Variants in ARHGAP28 observed in about 807,000 individuals in gnomAD.
ARHGAP28 encodes rho GTPase-activating protein 28.
ARHGAP28 carries 56 observed loss-of-function variants against 90.7 expected under a neutral mutation model. That is an observed-to-expected ratio of 0.62 (90% CI 0.50 to 0.77). ARHGAP28 has a LOEUF of 0.77. Among genes scored for constraint, ARHGAP28 ranks in the 30% least tolerant of loss-of-function variants. ARHGAP28 has a pLI of 0.00. For missense variants in ARHGAP28, 869 were observed against 900.9 expected, an observed-to-expected ratio of 0.96 and a Z score of 0.45; for synonymous variants, 308 against 323.3, an observed-to-expected ratio of 0.95 and a Z score of 0.51.
intron 16 of ARHGAP28, among the ~76,000 whole-genome samples, chr18:6,901,384 G>A (rs543676668): frequency 6.6e-6 from 1 of 152,118 alleles, no homozygotes; most frequent in South Asian, 2.1e-4. Flanking sequence ...AGTGGTCTAT[G>A]CAGAGTGACT....
At chr18:6,767,334 A>G (rs951543670) in intron 1 of ARHGAP28, among the ~76,000 whole-genome samples, 11 of 152,116 alleles carry the variant, frequency 7.2e-5, no homozygotes, top group Non-Finnish European at 1.6e-4. Context: ...TGTTTCATAC[A>G]GTCAATTTTA....
At chr18:6,769,075 G>A (rs903817352) in intron 1 of ARHGAP28, among the ~76,000 whole-genome samples, 2 of 152,016 alleles carry the variant, frequency 1.3e-5, no homozygotes, top group African/African-American at 4.8e-5. Context: ...CATTAAGGTA[G>A]CCTTTCAGAC....
chr18:6,825,048 C>T (rs2056652562), intron 2 of ARHGAP28, 84 bp downstream of exon 2: 10 of 1,210,858 alleles, frequency 8.3e-6, no homozygotes, highest in Non-Finnish European at 1.1e-5. Context: ...CAGAAATCAT[C>T]CCACCAATAG....
chr18:6,740,036 T>G (rs911468541), intron 1 of ARHGAP28, among the ~76,000 whole-genome samples: 2 of 152,204 alleles, frequency 1.3e-5, no homozygotes, highest in Middle Eastern at 3.4e-3. Context: ...GTATCTTTAG[T>G]GGAGACGGGG....
At chr18:6,805,379 TGTTTTA>T (rs1358453503) in intron 1 of ARHGAP28, among the ~76,000 whole-genome samples, 2 of 152,130 alleles carry the variant, frequency 1.3e-5, no homozygotes, top group Admixed American at 6.5e-5. Context: ...TCATTTGATT[TGTTTTA>T]GCATGGCATG....
chr18:6,729,807 C>T lies in ARHGAP28; in HGVS notation c.-15C>T. ...CTTTGTTCTGGGGCCGGCGCCGAGACATGCGCGGCTGACGATGGAGGTGGA... is the reference window on the plus strand; with the variant it reads ...CTTTGTTCTGGGGCCGGCGCCGAGATATGCGCGGCTGACGATGGAGGTGGA... On this transcript the variant is annotated 5_prime_UTR_variant, in exon 1 of 18. Coordinates refer to ENST00000383472, the MANE Select transcript of ARHGAP28 (RefSeq NM_001366230.1). 1 of 1,398,184 alleles carries T rather than the reference C, an allele frequency of 7.2e-7. No individual in the cohort carries two copies. The highest frequency in any genetic ancestry group is 9.3e-7 in the Non-Finnish European group (1 of 1,079,336). 86.6% of individuals were successfully genotyped at this position (1,398,184 alleles called of 1,614,324 possible).
chr18:6,794,435 C>A (rs1320620708), intron 1 of ARHGAP28, among the ~76,000 whole-genome samples: 2 of 152,224 alleles, frequency 1.3e-5, no homozygotes, highest in African/African-American at 4.8e-5. Context: ...AACCTTGGAA[C>A]TGCCCATCCT....
chr18:6,730,038 G>T, intron 1 of ARHGAP28, 95 bp downstream of exon 1: 1 of 1,186,928 alleles, frequency 8.4e-7, no homozygotes. Context: ...CACGACCGCC[G>T]TCACTGGATG....
chr18:6,774,828 G>A (rs1051656276), intron 1 of ARHGAP28, among the ~76,000 whole-genome samples: 6 of 152,212 alleles, frequency 3.9e-5, no homozygotes, highest in African/African-American at 9.6e-5. Flanking sequence ...GGGACCATAG[G>A]TGGGGAAGGA....
At chr18:6,786,188 A>G (rs966149723) in intron 1 of ARHGAP28, among the ~76,000 whole-genome samples, 14 of 152,206 alleles carry the variant, frequency 9.2e-5, no homozygotes, top group African/African-American at 3.4e-4. Context: ...TCATTTGTAC[A>G]AGCTAAACTG....
chr18:6,741,265 C>T (rs558675826), intron 1 of ARHGAP28, among the ~76,000 whole-genome samples: 25 of 152,244 alleles, frequency 1.6e-4, no homozygotes, highest in African/African-American at 5.8e-4. Context: ...GATGCCTGGC[C>T]CTGTGATTTT....
intron 1 of ARHGAP28, among the ~76,000 whole-genome samples, chr18:6,770,066 ACAACAGATGGCAG>A (rs1399721342): frequency 2.6e-5 from 4 of 152,194 alleles, no homozygotes; most frequent in Admixed American, 2.6e-4. Context: ...CTTCTATAAA[ACAACAGATGGCAG>A]CAAGGAAAAA....
chr18:6,792,784 A>G (rs2056415532), intron 1 of ARHGAP28, among the ~76,000 whole-genome samples: 1 of 152,204 alleles, frequency 6.6e-6, no homozygotes, highest in Non-Finnish European at 1.5e-5. Flanking sequence ...CTGTGACTAC[A>G]TAAATTGCTC....
chr18:6,873,434 T>G lies in ARHGAP28; in HGVS notation c.980T>G (p.Phe327Cys). 2 of 1,608,314 alleles carry G rather than the reference T, an allele frequency of 1.2e-6. No individual in the cohort carries two copies. The highest frequency in any genetic ancestry group is 2.2e-5 in the East Asian group (1 of 44,842). ...AAATTTAATGTTCAGAAAACCAGAT[T>G]TGGCTTAACTGAAGCAGGAGATCTG... ...LTKFNVQKTR[F>C]GLTEAGDLSA... The change falls in exon 8 of 18, where the codon TTT becomes TGT. Residue 327 changes from phenylalanine to cysteine, a missense_variant. Physicochemically the swap from Phe to Cys is radical, Grantham distance 205. Transcript: ENST00000383472.
chr18:6,845,579 G>A (rs752034259), intron 3 of ARHGAP28, among the ~76,000 whole-genome samples: 1 of 151,980 alleles, frequency 6.6e-6, no homozygotes, highest in Non-Finnish European at 1.5e-5. Flanking sequence ...TCCCTCCCCC[G>A]ATCCTGGACA....
At chr18:6,893,859 G>T (rs1054393861) in intron 14 of ARHGAP28, among the ~76,000 whole-genome samples, 319 of 131,234 alleles carry the variant, frequency 2.4e-3, no homozygotes, top group African/African-American at 8.5e-3. Flanking sequence ...GTACTATATT[G>T]CTTTTTGGTT....
chr18:6,847,254 A>T (rs141684492), intron 3 of ARHGAP28, among the ~76,000 whole-genome samples: 124 of 152,088 alleles, frequency 8.2e-4, no homozygotes, highest in African/African-American at 2.9e-3. Context: ...CCCTAATTTC[A>T]ATCTCACACC....
chr18:6,794,553 C>T (rs1452917307), intron 1 of ARHGAP28, among the ~76,000 whole-genome samples: 3 of 152,166 alleles, frequency 2.0e-5, no homozygotes, highest in East Asian at 3.9e-4. Flanking sequence ...TAAAAATTCC[C>T]AGTGGTTTTC....
intron 5 of ARHGAP28, among the ~76,000 whole-genome samples, chr18:6,866,528 G>C (rs1446584474): frequency 6.6e-6 from 1 of 152,108 alleles, no homozygotes; most frequent in Non-Finnish European, 1.5e-5. Context: ...AACCTTCTGG[G>C]CAGCACCTCT....
Sources: gnomAD v4.1 joint callset for allele counts (sites outside exome capture counted in the v4.1 genomes callset) on GRCh38, gnomAD v4.1.1 for gene constraint, MANE v1.5 for transcripts, NCBI Gene and HGNC (gene_info 2026-07-23, HGNC 2026-07-21) for gene names.